THADA: variants seen among roughly 807,000 people sequenced by gnomAD.
THADA encodes THADA armadillo repeat containing, also known as tRNA (32-2'-O)-methyltransferase regulator THADA.
THADA carries 213 observed loss-of-function variants against 219.8 expected under a neutral mutation model. That is an observed-to-expected ratio of 0.97 (90% CI 0.87 to 1.09). The LOEUF (loss-of-function observed/expected upper bound fraction) is 1.09. Ranked by LOEUF, THADA falls within the 50% of genes least tolerant of loss-of-function variation. The pLI is 0.00. For synonymous variants in THADA, 1,018 were observed against 828.9 expected, an observed-to-expected ratio of 1.23 and a Z score of -3.92; for missense variants, 2,956 against 2,311.3, an observed-to-expected ratio of 1.28 and a Z score of -5.72.
At chr2:43,432,443 A>T (rs1023037114) in intron 26 of THADA, among the ~76,000 whole-genome samples, 2 of 150,522 alleles carry the variant, frequency 1.3e-5, no homozygotes, top group South Asian at 4.2e-4. Context: ...TCCTCTTGAC[A>T]GGCATGGGTT....
At chr2:43,284,442 C>G (rs1490925414) in intron 35 of THADA, among the ~76,000 whole-genome samples, 1 of 152,190 alleles carries the variant, frequency 6.6e-6, no homozygotes, top group African/African-American at 2.4e-5. Flanking sequence ...GGTGCAAGCC[C>G]CAAGCCTTGG....
intron 29 of THADA, among the ~76,000 whole-genome samples, chr2:43,375,421 A>G (rs1331282923): frequency 6.6e-6 from 1 of 152,260 alleles, no homozygotes; most frequent in Non-Finnish European, 1.5e-5. Flanking sequence ...TAAGTATAAT[A>G]TAACACAGTA....
chr2:43,279,648 T>A, intron 36 of THADA, 117 bp downstream of exon 36: 1 of 1,335,176 alleles, frequency 7.5e-7, no homozygotes. Context: ...ATGGCAGAGT[T>A]GAGACACAGA....
At chr2:43,413,281 G>A (rs1189967503) in intron 28 of THADA, among the ~76,000 whole-genome samples, 1 of 151,888 alleles carries the variant, frequency 6.6e-6, no homozygotes, top group Non-Finnish European at 1.5e-5. Flanking sequence ...GAAGTTTCTT[G>A]GCTTGATGAG....
intron 26 of THADA, among the ~76,000 whole-genome samples, chr2:43,466,986 T>C (rs1236847865): frequency 1.3e-5 from 2 of 151,320 alleles, no homozygotes; most frequent in Admixed American, 6.6e-5. Context: ...ATCGAGACCA[T>C]CCTGGCTAAC....
intron 17 of THADA, 59 bp from the exon 18 acceptor site, chr2:43,552,398 C>T (rs372916794): frequency 2.2e-5 from 33 of 1,521,632 alleles, no homozygotes; most frequent in East Asian, 6.9e-5. Context: ...TGTAAATGTA[C>T]GAACAGCAAA....
chr2:43,436,517 T>C (rs1164232428), intron 26 of THADA, among the ~76,000 whole-genome samples: 1 of 152,190 alleles, frequency 6.6e-6, no homozygotes, highest in African/African-American at 2.4e-5. Context: ...TCAGAAACTA[T>C]ATGTTATGGC....
In THADA at chr2:43,590,971, T is replaced by C. The variant is rs746437966; in HGVS notation, c.172-17A>G. 1 of 1,601,118 alleles carries C rather than the reference T, an allele frequency of 6.2e-7. No individual in the cohort carries two copies. The highest frequency in any genetic ancestry group is 1.1e-5 in the South Asian group (1 of 88,728). The stretch of plus-strand genomic sequence containing the variant: ...AGGCACAATCTATAATACAAAACAT[T>C]GAAGTAATTTTTATAATATCAAATA... On this transcript the variant is annotated splice_polypyrimidine_tract_variant and intron_variant, in intron 3 of 37. Transcript: ENST00000405975.
intron 25 of THADA, among the ~76,000 whole-genome samples, chr2:43,495,850 T>C (rs1319500829): frequency 6.6e-6 from 1 of 152,186 alleles, no homozygotes; most frequent in Non-Finnish European, 1.5e-5. Flanking sequence ...CTACTGACAG[T>C]ATAAAGGCAT....
intron 29 of THADA, among the ~76,000 whole-genome samples, chr2:43,385,177 A>G (rs1213280728): frequency 6.6e-6 from 1 of 151,882 alleles, no homozygotes; most frequent in Non-Finnish European, 1.5e-5. Flanking sequence ...AAACCCACAA[A>G]AAAACAAAAA....
intron 36 of THADA, among the ~76,000 whole-genome samples, chr2:43,260,391 T>C (rs1558480921): frequency 6.6e-6 from 1 of 152,236 alleles, no homozygotes; most frequent in East Asian, 1.9e-4. Flanking sequence ...GGTTTTTATC[T>C]TTTGCCTCTT....
chr2:43,499,227 C>A (rs955471955), intron 24 of THADA, among the ~76,000 whole-genome samples: 1 of 152,190 alleles, frequency 6.6e-6, no homozygotes, highest in Non-Finnish European at 1.5e-5. Flanking sequence ...ACAACACATT[C>A]TTTTCGAGCA....
chr2:43,592,335 C>A lies in THADA; in HGVS notation c.58G>T (p.Asp20Tyr). 8 of 1,607,462 alleles carry A rather than the reference C, an allele frequency of 5.0e-6. No homozygotes were observed. Among genetic ancestry groups the A allele is most frequent in the Non-Finnish European group, 6.8e-6 (8 of 1,176,996 alleles). Residue 20 changes from aspartate to tyrosine, a missense_variant, in exon 2 of 38, where the codon GAC becomes TAC. Physicochemically the swap from Asp to Tyr is radical, Grantham distance 160 (BLOSUM62 -3). Coordinates refer to ENST00000405975, the MANE Select transcript of THADA (RefSeq NM_022065.5). ...QVAALTICHQ[D>Y]LETLKSFADV... Reference sequence around the variant, plus strand: ...CACCTACATTTCAAAGTTTCAAGGTCCTGATGGCAAATGGTCAGCGCAGCA... The same window carrying A: ...CACCTACATTTCAAAGTTTCAAGGTACTGATGGCAAATGGTCAGCGCAGCA...
intron 23 of THADA, among the ~76,000 whole-genome samples, chr2:43,506,866 T>G (rs971906688): frequency 1.3e-5 from 2 of 152,196 alleles, no homozygotes; most frequent in African/African-American, 4.8e-5. Context: ...TCTGAAGCAT[T>G]TGAAAACTAC....
intron 31 of THADA, among the ~76,000 whole-genome samples, chr2:43,313,318 A>C (rs931168572): frequency 6.6e-6 from 1 of 152,264 alleles, no homozygotes; most frequent in Non-Finnish European, 1.5e-5. Flanking sequence ...TGGCATTTAG[A>C]CTATTTAGGG....
intron 31 of THADA, among the ~76,000 whole-genome samples, chr2:43,311,704 A>G (rs1034469501): frequency 2.0e-5 from 3 of 152,376 alleles, no homozygotes; most frequent in South Asian, 2.1e-4. Context: ...AAAATGACCA[A>G]CATGGATGAA....
chr2:43,348,300 C>T lies in THADA; in HGVS notation c.4228-4063G>A, dbSNP rs370564913. ...ATGAGAACTGCACTCTCTAGACCACCGCTGTCACCACTATTACTATTGCCT... is the reference window on the plus strand; with the variant it reads ...ATGAGAACTGCACTCTCTAGACCACTGCTGTCACCACTATTACTATTGCCT... On this transcript the variant is annotated intron_variant, in intron 29 of 37. Coordinates refer to ENST00000405975, the MANE Select transcript of THADA (RefSeq NM_022065.5). Among the ~76,000 whole-genome samples, 13 of 152,302 alleles carry T rather than the reference C, an allele frequency of 8.5e-5. No homozygotes were observed. In the East Asian group the frequency reaches 1.7e-3, roughly 20 times the overall value.
intron 23 of THADA, among the ~76,000 whole-genome samples, chr2:43,507,170 T>A (rs1269088694): frequency 1.3e-5 from 2 of 152,194 alleles, no homozygotes; most frequent in Non-Finnish European, 1.5e-5. Flanking sequence ...TAAAAAAAAA[T>A]TTAGACTTCA....
chr2:43,471,422 C>T (rs780304895), intron 26 of THADA, among the ~76,000 whole-genome samples: 11 of 152,034 alleles, frequency 7.2e-5, no homozygotes, highest in Admixed American at 2.0e-4. Flanking sequence ...AGTTACTCGG[C>T]GGCGGGGCTG....
Sources: allele counts gnomAD v4.1 joint callset (sites outside exome capture counted in the v4.1 genomes callset), GRCh38; gene constraint gnomAD v4.1.1; transcripts MANE v1.5; gene names NCBI Gene and HGNC (gene_info 2026-07-23, HGNC 2026-07-21).